POGLUT1: variants seen among roughly 807,000 people sequenced by gnomAD.
POGLUT1 encodes the protein protein O-glucosyltransferase 1.
A neutral mutation model predicts 61.3 loss-of-function variants in POGLUT1; 32 were observed. The observed-to-expected ratio is 0.52, with a 90% CI of 0.39 to 0.70. The LOEUF is 0.70. Among genes scored for constraint, POGLUT1 ranks in the 30% least tolerant of loss-of-function variants. The pLI is 0.00. For synonymous variants in POGLUT1, 158 were observed against 158.2 expected (o/e 1.00, Z 0.01); for missense variants, 411 against 469.8 (o/e 0.87, Z 1.16).
intron 7 of POGLUT1, 33 bp from the exon 8 acceptor site, chr3:119,488,896 T>G (rs778054126): frequency 1.6e-6 from 2 of 1,247,076 alleles, no homozygotes; most frequent in Non-Finnish European, 2.4e-6. Flanking sequence ...ATGCTGTTGC[T>G]GTTAATACTA....
chr3:119,475,280 G>C (rs2081522272), intron 3 of POGLUT1, among the ~76,000 whole-genome samples: 1 of 152,162 alleles, frequency 6.6e-6, no homozygotes, highest in Admixed American at 6.5e-5. Flanking sequence ...TGTTCCATAA[G>C]AGTCCATAGA....
chr3:119,469,045 G>C lies in POGLUT1; in HGVS notation c.24G>C (p.Pro8=), dbSNP rs773023476. The change falls in exon 1 of 11, where the codon CCG becomes CCC. Residue 8 remains proline, a synonymous_variant. Transcript: ENST00000295588. ...CGATGGAGTGGTGGGCTAGCTCGCC[G>C]CTTCGGCTCTGGCTGCTGTTGTTCC... MEWWASS[P]LRLWLLLFLL... 1.2e-6 allele frequency: 2 copies of C among 1,609,112 alleles called. No homozygotes were observed. Among genetic ancestry groups the C allele is most frequent in the Admixed American group, 3.3e-5 (2 of 59,890 alleles).
At position 119,490,560 on chromosome 3, in the gene POGLUT1, T is replaced by C. The variant is rs778935828; in HGVS notation, c.807T>C (p.Phe269=). Residue 269 remains phenylalanine (F), a synonymous_variant, in exon 9 of 11, where the codon TTT becomes TTC. Coordinates refer to ENST00000295588, the MANE Select transcript of POGLUT1 (RefSeq NM_152305.3). ...LVDHCKYKYL[F]NFRGVAASFR... ...GTTCTTTTTTCCCCAGGTATCTGTTTAATTTTCGAGGCGTAGCTGCAAGTT... is the reference window on the plus strand; with the variant it reads ...GTTCTTTTTTCCCCAGGTATCTGTTCAATTTTCGAGGCGTAGCTGCAAGTT... 1 of 1,614,092 alleles carries C rather than the reference T, an allele frequency of 6.2e-7. No individual in the cohort carries two copies. The highest frequency in any genetic ancestry group is 1.1e-5 in the South Asian group (1 of 91,078).
chr3:119,489,050 T>A, intron 8 of POGLUT1, 63 bp downstream of exon 8: 6 of 917,308 alleles, frequency 6.5e-6, no homozygotes, highest in Non-Finnish European at 1.0e-5. Flanking sequence ...AGCTTCACTT[T>A]GGGTGAGAAC....
rs1553776118 is a variant in POGLUT1, at chr3:119,478,901, A to AAAT, written c.457-1148_457-1147insTAA. 2.8e-3 allele frequency among the ~76,000 whole-genome samples: 384 copies of AAAT among 137,278 alleles called. 2 individuals are homozygous for AAAT. Among genetic ancestry groups the AAAT allele is most frequent in the East Asian group, 0.02 (87 of 4,252 alleles). 90.1% of individuals were successfully genotyped at this position (137,278 alleles called of 152,430 possible). On this transcript the variant is annotated intron_variant, in intron 4 of 10. Transcript: ENST00000295588. ...AGGCAGGTGGATCAAAAAAAAAAAA[A>AAAT]AAAGGGGGGAACATATGGCTTTAAA...
intron 6 of POGLUT1, among the ~76,000 whole-genome samples, chr3:119,486,246 G>A (rs892849880): frequency 2.0e-5 from 3 of 152,138 alleles, no homozygotes; most frequent in African/African-American, 7.2e-5. Flanking sequence ...GCATTTTTCT[G>A]GGAAGGAGAG....
chr3:119,485,016 A>G (rs1312635091), intron 5 of POGLUT1, among the ~76,000 whole-genome samples: 1 of 152,152 alleles, frequency 6.6e-6, no homozygotes, highest in Non-Finnish European at 1.5e-5. Flanking sequence ...GGAGATAGAG[A>G]CCATCCTGGC....
Position 119,492,370 on chromosome 3 carries a change from T to C in POGLUT1, c.1111T>C (p.Ser371Pro), listed in dbSNP as rs114296047. ...NLLSEYSKFL[S>P]YNVTRRKGYD... Reference sequence around the variant, plus strand: ...CTTGAGTGAATACTCTAAATTCCTGTCTTATAATGTAACGAGAAGGAAAGG... The same window carrying C: ...CTTGAGTGAATACTCTAAATTCCTGCCTTATAATGTAACGAGAAGGAAAGG... The change falls in exon 11 of 11, where the codon TCT becomes CCT. Residue 371 changes from serine to proline, a missense_variant. Coordinates refer to ENST00000295588, the MANE Select transcript of POGLUT1 (RefSeq NM_152305.3). The C allele has an allele frequency of 5.3e-4, 859 of 1,607,342 alleles. 1 individual carries two copies. In the African/African-American group the frequency reaches 7.8e-3, roughly 15 times the overall value.
At chr3:119,488,603 T>TTA in intron 7 of POGLUT1, 1 of 186,558 alleles carries the variant, frequency 5.4e-6, no homozygotes, top group Admixed American at 5.7e-5. Context: ...CATACATTAT[T>TTA]TACACAGAGT....
In POGLUT1 at chr3:119,494,449, TTAAA is replaced by T. The variant is rs1222631110; in HGVS notation, c.*2014_*2017del. Reference sequence around the variant, plus strand: ...AGAGCCAATAAGGGCATCTTTGTCTTTAAATACAGCAAATGTTATTCAGATTTTG... The same window carrying T: ...AGAGCCAATAAGGGCATCTTTGTCTTTACAGCAAATGTTATTCAGATTTTG... On this transcript the variant is annotated 3_prime_UTR_variant, in exon 11 of 11. Transcript: ENST00000295588. The T allele has an allele frequency of 6.5e-5, 10 of 152,682 alleles. No individual in the cohort carries two copies. The highest frequency in any genetic ancestry group is 2.2e-4 in the African/African-American group (9 of 41,458). The allele number at this position is 152,682 out of a possible 1,614,324, so 9.5% of individuals were successfully genotyped here.
intron 9 of POGLUT1, 69 bp downstream of exon 9, chr3:119,490,787 G>A: frequency 7.4e-7 from 1 of 1,360,406 alleles, no homozygotes; most frequent in Admixed American, 2.0e-5. Flanking sequence ...ATGCCTTAAT[G>A]CCTTAAAACC....
intron 2 of POGLUT1, among the ~76,000 whole-genome samples, chr3:119,470,952 C>T (rs1383839514): frequency 1.3e-5 from 2 of 152,222 alleles, no homozygotes; most frequent in South Asian, 2.1e-4. Flanking sequence ...GACTGTAAGG[C>T]GTAAACTTCA....
chr3:119,471,869 A>G (rs1198995361), intron 3 of POGLUT1: 1 of 221,230 alleles, frequency 4.5e-6, no homozygotes, highest in Non-Finnish European at 9.0e-6. Flanking sequence ...AAGAGGAGTA[A>G]CTAGATGGGG....
intron 3 of POGLUT1, among the ~76,000 whole-genome samples, chr3:119,473,672 T>G (rs938725280): frequency 6.6e-6 from 1 of 152,006 alleles, no homozygotes; most frequent in Non-Finnish European, 1.5e-5. Flanking sequence ...TTTTTTTTTT[T>G]TTTTGAGAGA....
At chr3:119,491,320 G>A (rs1577089035) in intron 9 of POGLUT1, among the ~76,000 whole-genome samples, 198 bp from the exon 10 acceptor site, 2 of 149,662 alleles carry the variant, frequency 1.3e-5, no homozygotes, top group Non-Finnish European at 1.5e-5. Flanking sequence ...CTACAATAGG[G>A]TATCTTTAAT....
chr3:119,490,008 A>T (rs2081721868), intron 8 of POGLUT1: 1 of 152,932 alleles, frequency 6.5e-6, no homozygotes, highest in Non-Finnish European at 1.5e-5. Flanking sequence ...CCTGGTGCCA[A>T]AGAGGTTGGG....
chr3:119,487,038 T>C, intron 7 of POGLUT1, 106 bp downstream of exon 7: 1 of 768,064 alleles, frequency 1.3e-6, no homozygotes, highest in Non-Finnish European at 2.3e-6. Context: ...AGTGGTGAGG[T>C]GAATGTAAAG....
At chr3:119,482,584 C>G (rs951013256) in intron 5 of POGLUT1, among the ~76,000 whole-genome samples, 2 of 152,048 alleles carry the variant, frequency 1.3e-5, no homozygotes, top group Non-Finnish European at 2.9e-5. Flanking sequence ...ATACTTTTTT[C>G]TTTTGATACC....
At chr3:119,478,017 C>T in intron 4 of POGLUT1, 1 of 270,548 alleles carries the variant, frequency 3.7e-6, no homozygotes, top group Middle Eastern at 1.3e-3. Context: ...TTAGACTCAT[C>T]ATGGAAGATT....
Sources: allele counts gnomAD v4.1 joint callset (sites outside exome capture counted in the v4.1 genomes callset), GRCh38; gene constraint gnomAD v4.1.1; transcripts MANE v1.5; gene names NCBI Gene and HGNC (gene_info 2026-07-23, HGNC 2026-07-21).